R3HDM2: variants seen among roughly 807,000 people sequenced by gnomAD.
The protein encoded by R3HDM2 is R3H domain-containing protein 2.
R3HDM2 carries 38 observed loss-of-function variants against 124.5 expected under a neutral mutation model. The ratio of observed to expected loss-of-function variants is 0.31; its 90% CI spans 0.24 to 0.40. The LOEUF (loss-of-function observed/expected upper bound fraction) is 0.40, where lower values mean the gene tolerates loss of function less well. Among genes scored for constraint, R3HDM2 ranks in the 10% least tolerant of loss-of-function variants. The pLI is 1.00. For missense variants in R3HDM2, 869 were observed against 1,236.9 expected, an observed-to-expected ratio of 0.70 and a Z score of 4.46; for synonymous variants, 391 against 448.0, an observed-to-expected ratio of 0.87 and a Z score of 1.61.
intron 1 of R3HDM2, chr12:57,418,353 T>C: frequency 1.0e-6 from 1 of 985,432 alleles, no homozygotes; most frequent in South Asian, 4.7e-5. Context: ...TCCAGAGCTT[T>C]CTTTTGCCTT....
rs117863053 is a variant in R3HDM2, at chr12:57,420,328, T to C, written c.-106+10392A>G. Among the ~76,000 whole-genome samples the C allele has an allele frequency of 2.1e-3, 325 of 152,250 alleles. 9 individuals carry two copies. In the East Asian group the frequency reaches 0.05, roughly 24 times the overall value. On this transcript the variant is annotated intron_variant, in intron 1 of 23. Coordinates refer to ENST00000402412, the MANE Select transcript of R3HDM2 (RefSeq NM_001394031.1). ...AAAGTTTGTTTTTTCTCTCCTCCCA[T>C]TTATTCCTCAAAATGTTATCATCAT...
intron 2 of R3HDM2, among the ~76,000 whole-genome samples, chr12:57,370,035 C>A (rs1197847210): frequency 6.6e-6 from 1 of 152,068 alleles, no homozygotes; most frequent in Non-Finnish European, 1.5e-5. Flanking sequence ...TTTCAACTGG[C>A]TTTTTCAAGG....
chr12:57,289,436 G>A (rs1401372529), intron 11 of R3HDM2, among the ~76,000 whole-genome samples: 1 of 152,204 alleles, frequency 6.6e-6, no homozygotes, highest in African/African-American at 2.4e-5. Flanking sequence ...GGAGACAAGA[G>A]AAAGAAACTT....
At chr12:57,344,189 A>G (rs986805786) in intron 2 of R3HDM2, among the ~76,000 whole-genome samples, 2 of 152,236 alleles carry the variant, frequency 1.3e-5, no homozygotes, top group Non-Finnish European at 2.9e-5. Context: ...CTGAACTATA[A>G]GAATAGCCAT....
chr12:57,360,243 G>A (rs542829356), intron 2 of R3HDM2, among the ~76,000 whole-genome samples: 59 of 151,276 alleles, frequency 3.9e-4, no homozygotes, highest in Admixed American at 2.0e-4. Context: ...GGCTAGGCTG[G>A]TCTCGAACTC....
At chr12:57,327,466 C>T (rs1270188701) in intron 2 of R3HDM2, among the ~76,000 whole-genome samples, 2 of 105,792 alleles carry the variant, frequency 1.9e-5, no homozygotes, top group Non-Finnish European at 3.8e-5. Flanking sequence ...GACTCCGTCT[C>T]AAAAAAAAAA....
chr12:57,377,323 A>T (rs1198424227), intron 2 of R3HDM2, among the ~76,000 whole-genome samples: 2 of 152,002 alleles, frequency 1.3e-5, no homozygotes, highest in Non-Finnish European at 2.9e-5. Flanking sequence ...AAACTGGCTG[A>T]AATCAGTTGC....
chr12:57,300,217 A>T, intron 4 of R3HDM2, 36 bp from the exon 5 acceptor site: 1 of 1,484,932 alleles, frequency 6.7e-7, no homozygotes, highest in Non-Finnish European at 9.2e-7. Flanking sequence ...AATTTTTTTA[A>T]TGTATCTTAT....
intron 12 of R3HDM2, among the ~76,000 whole-genome samples, chr12:57,285,023 C>T (rs1375574340): frequency 6.6e-6 from 1 of 152,196 alleles, no homozygotes; most frequent in Non-Finnish European, 1.5e-5. Flanking sequence ...TCATACCCCA[C>T]ATCCCCAACA....
intron 13 of R3HDM2, among the ~76,000 whole-genome samples, chr12:57,281,939 G>T (rs538500524): frequency 6.6e-6 from 1 of 152,328 alleles, no homozygotes; most frequent in Admixed American, 6.5e-5. Context: ...GATTTAAAGA[G>T]GGGTCAGCAG....
At chr12:57,414,391 T>C (rs972845240) in intron 1 of R3HDM2, among the ~76,000 whole-genome samples, 1 of 143,014 alleles carries the variant, frequency 7.0e-6, no homozygotes, top group African/African-American at 2.6e-5. Flanking sequence ...CTGGGAAGGC[T>C]GAGGCATGAG....
chr12:57,313,345 A>G (rs1006947833), intron 2 of R3HDM2, among the ~76,000 whole-genome samples: 1 of 152,118 alleles, frequency 6.6e-6, no homozygotes, highest in Admixed American at 6.6e-5. Context: ...GGATCGCTTG[A>G]GCCCAGGAGT....
chr12:57,425,501 G>A (rs1213992323), intron 1 of R3HDM2, among the ~76,000 whole-genome samples: 2 of 152,002 alleles, frequency 1.3e-5, no homozygotes, highest in Non-Finnish European at 2.9e-5. Flanking sequence ...CCTACAAAGT[G>A]TTAAAAGCAC....
At chr12:57,366,058 C>G (rs145638977) in intron 2 of R3HDM2, among the ~76,000 whole-genome samples, 1 of 152,212 alleles carries the variant, frequency 6.6e-6, no homozygotes, top group East Asian at 1.9e-4. Flanking sequence ...AAATATTTGT[C>G]TCCCTTCCCA....
At chr12:57,399,344 G>A (rs1414131146) in intron 1 of R3HDM2, among the ~76,000 whole-genome samples, 5 of 152,164 alleles carry the variant, frequency 3.3e-5, no homozygotes, top group Non-Finnish European at 5.9e-5. Context: ...GGAGGTTGCA[G>A]TGAGCTGAGA....
intron 19 of R3HDM2, among the ~76,000 whole-genome samples, 200 bp downstream of exon 19, chr12:57,266,531 G>GA (rs1471336046): frequency 6.6e-6 from 1 of 152,234 alleles, no homozygotes; most frequent in African/African-American, 2.4e-5. Flanking sequence ...AGTGTGCCTG[G>GA]CCCCAGTGTC....
At chr12:57,266,224 G>A (rs928310285) in intron 19 of R3HDM2, among the ~76,000 whole-genome samples, 1 of 150,716 alleles carries the variant, frequency 6.6e-6, no homozygotes, top group Non-Finnish European at 1.5e-5. Flanking sequence ...AGCCTCCTAA[G>A]TAGCCGGATG....
rs36014724 is a variant in R3HDM2 at position 57,342,495 on chromosome 12, G to GACACACAC, written c.-35-32040_-35-32033dup. 3.4e-5 allele frequency among the ~76,000 whole-genome samples: 5 copies of GACACACAC among 149,078 alleles called. No individual in the cohort carries two copies. The South Asian group carries it at 6.4e-4, about 19-fold the overall frequency. On this transcript the variant is annotated intron_variant, in intron 2 of 23. Coordinates refer to ENST00000402412, the MANE Select transcript of R3HDM2 (RefSeq NM_001394031.1). ...ACAGACACAGACACAGGCACACACA[G>GACACACAC]ACACACACACACACACACACAGAGG...
chr12:57,320,578 C>T (rs1566137697), intron 2 of R3HDM2, among the ~76,000 whole-genome samples: 2 of 151,998 alleles, frequency 1.3e-5, no homozygotes, highest in Non-Finnish European at 2.9e-5. Context: ...CTCAGTAGCT[C>T]AAAGCTGCAC....
Sources: gnomAD v4.1 joint callset for allele counts (sites outside exome capture counted in the v4.1 genomes callset) on GRCh38, gnomAD v4.1.1 for gene constraint, MANE v1.5 for transcripts, NCBI Gene and HGNC (gene_info 2026-07-23, HGNC 2026-07-21) for gene names.